Variants in LRRC1 observed in about 807,000 individuals in gnomAD.
The protein encoded by LRRC1 is leucine rich repeat containing 1.
A neutral mutation model predicts 69.9 loss-of-function variants in LRRC1; 28 were observed. The ratio of observed to expected loss-of-function variants is 0.40; its 90% CI spans 0.30 to 0.55. LRRC1 has a LOEUF of 0.55. LRRC1 is among the 20% of genes least tolerant of loss of function. The pLI is 0.47. For synonymous variants in LRRC1, 236 were observed against 240.2 expected, an observed-to-expected ratio of 0.98 and a Z score of 0.16; for missense variants, 498 against 609.0, an observed-to-expected ratio of 0.82 and a Z score of 1.92.
chr6:53,888,075 A>G (rs2127433106), intron 4 of LRRC1, among the ~76,000 whole-genome samples: 1 of 152,344 alleles, frequency 6.6e-6, no homozygotes, highest in East Asian at 1.9e-4. Context: ...AAATGTTGGT[A>G]CAATGTGTGA....
chr6:53,864,951 T>C (rs1766648087), intron 2 of LRRC1, among the ~76,000 whole-genome samples: 1 of 152,128 alleles, frequency 6.6e-6, no homozygotes, highest in Admixed American at 6.5e-5. Flanking sequence ...AGAAATATTG[T>C]GCTTAAAAAA....
chr6:53,862,319 G>GTGTGTGTA (rs760163418), intron 2 of LRRC1, among the ~76,000 whole-genome samples: 1 of 141,662 alleles, frequency 7.1e-6, no homozygotes, highest in Non-Finnish European at 1.6e-5. Context: ...GTGTGTGTGT[G>GTGTGTGTA]TGTGTGTATG....
At chr6:53,856,640 C>T (rs564672376) in intron 2 of LRRC1, among the ~76,000 whole-genome samples, 4 of 152,102 alleles carry the variant, frequency 2.6e-5, no homozygotes, top group Admixed American at 6.5e-5. Flanking sequence ...TTACTGGAGC[C>T]GGTGGAAAGA....
At chr6:53,899,966 CT>C in intron 8 of LRRC1, 75 bp downstream of exon 8, 1 of 1,350,720 alleles carries the variant, frequency 7.4e-7, no homozygotes, top group Non-Finnish European at 1.0e-6. Context: ...CACTTTGATC[CT>C]TTGGTCACCA....
chr6:53,813,298 T>G lies in LRRC1; in HGVS notation c.159+17883T>G, dbSNP rs185488107. 1.5e-3 allele frequency among the ~76,000 whole-genome samples: 227 copies of G among 152,216 alleles called. 2 individuals are homozygous for G. The highest frequency in any genetic ancestry group is 5.4e-3 in the African/African-American group (223 of 41,518). ...TGGATTGGAGGGGTGTGGTGGTCAT[T>G]GCCCTTAAGGAAGCCCAGGAGTTGC... On this transcript the variant is annotated intron_variant, in intron 1 of 13. Transcript: ENST00000370888.
intron 2 of LRRC1, among the ~76,000 whole-genome samples, chr6:53,867,278 C>T (rs535635174): frequency 4.6e-5 from 7 of 152,086 alleles, no homozygotes; most frequent in Non-Finnish European, 7.3e-5. Context: ...AAAGTTCTGC[C>T]GCTGCAGTTT....
chr6:53,795,098 C>A lies in LRRC1; in HGVS notation c.-159C>A. 1 of 628,948 alleles carries A rather than the reference C, an allele frequency of 1.6e-6. No homozygotes were observed. Among genetic ancestry groups the A allele is most frequent in the Non-Finnish European group, 2.6e-6 (1 of 383,874 alleles). The allele number at this position is 628,948 out of a possible 1,614,324, so 39.0% of individuals were successfully genotyped here. On this transcript the variant is annotated 5_prime_UTR_variant, in exon 1 of 14. Coordinates refer to ENST00000370888, the MANE Select transcript of LRRC1 (RefSeq NM_018214.5). ...GGCTCCCGCTCCAGGTTCCTTGAAG[C>A]ACTTCCGACCGCGAAGCCCGGCGCG...
chr6:53,891,813 G>T (rs552060831), intron 4 of LRRC1, among the ~76,000 whole-genome samples: 2 of 152,084 alleles, frequency 1.3e-5, no homozygotes, highest in East Asian at 3.9e-4. Context: ...CTGGTCTGGT[G>T]AAACCCCATC....
At chr6:53,915,599 G>A (rs1014925144) in intron 11 of LRRC1, among the ~76,000 whole-genome samples, 11 of 152,136 alleles carry the variant, frequency 7.2e-5, no homozygotes, top group Non-Finnish European at 2.9e-5. Flanking sequence ...TTCTTGAGCC[G>A]AAAGATGGCT....
intron 2 of LRRC1, among the ~76,000 whole-genome samples, chr6:53,864,531 C>T (rs1581884125): frequency 6.6e-6 from 1 of 152,154 alleles, no homozygotes; most frequent in South Asian, 2.1e-4. Context: ...TTTCAGAGCC[C>T]TGCTCTTTCA....
intron 2 of LRRC1, among the ~76,000 whole-genome samples, chr6:53,848,253 T>C (rs1766011446): frequency 6.6e-6 from 1 of 152,254 alleles, no homozygotes; most frequent in African/African-American, 2.4e-5. Flanking sequence ...GAGCCTCCTC[T>C]CTGCCTTAAC....
At chr6:53,884,942 G>A (rs1010149817) in intron 4 of LRRC1, among the ~76,000 whole-genome samples, 2 of 151,978 alleles carry the variant, frequency 1.3e-5, no homozygotes, top group Non-Finnish European at 2.9e-5. Flanking sequence ...TACTATTATA[G>A]CATTGTGGAT....
intron 1 of LRRC1, among the ~76,000 whole-genome samples, chr6:53,799,191 G>A (rs1764393975): frequency 1.3e-5 from 2 of 152,174 alleles, no homozygotes; most frequent in South Asian, 4.1e-4. Flanking sequence ...TTGCCAGATG[G>A]CATTATCTCA....
intron 1 of LRRC1, among the ~76,000 whole-genome samples, chr6:53,826,620 A>G (rs1210740897): frequency 6.6e-6 from 1 of 152,190 alleles, no homozygotes; most frequent in Non-Finnish European, 1.5e-5. Context: ...GACATCTTTT[A>G]TGCAAATGTC....
chr6:53,819,727 G>A (rs1765060146), intron 1 of LRRC1, among the ~76,000 whole-genome samples: 1 of 152,068 alleles, frequency 6.6e-6, no homozygotes, highest in African/African-American at 2.4e-5. Flanking sequence ...ATTTTTTCTA[G>A]TTCATTTATT....
intron 1 of LRRC1, among the ~76,000 whole-genome samples, chr6:53,821,249 G>A (rs1279123617): frequency 6.6e-6 from 1 of 152,148 alleles, no homozygotes; most frequent in African/African-American, 2.4e-5. Context: ...TGCCTTGCTA[G>A]CATCTGCTTT....
intron 2 of LRRC1, among the ~76,000 whole-genome samples, chr6:53,867,692 G>A (rs893641745): frequency 6.6e-6 from 1 of 151,860 alleles, no homozygotes; most frequent in African/African-American, 2.4e-5. Flanking sequence ...GGTGGCACAC[G>A]CCTGTAATCC....
At chr6:53,867,131 A>G (rs1766727137) in intron 2 of LRRC1, among the ~76,000 whole-genome samples, 3 of 152,024 alleles carry the variant, frequency 2.0e-5, no homozygotes, top group African/African-American at 4.8e-5. Flanking sequence ...TCCCTTACCC[A>G]TTGGGTGCCT....
At chr6:53,866,260 T>C (rs1766700378) in intron 2 of LRRC1, among the ~76,000 whole-genome samples, 1 of 152,178 alleles carries the variant, frequency 6.6e-6, no homozygotes, top group Non-Finnish European at 1.5e-5. Context: ...TCACTTTACC[T>C]CTCAGTAGAC....
Sources: allele counts gnomAD v4.1 joint callset (sites outside exome capture counted in the v4.1 genomes callset), GRCh38; gene constraint gnomAD v4.1.1; transcripts MANE v1.5; gene names NCBI Gene and HGNC (gene_info 2026-07-23, HGNC 2026-07-21).